ABCG1: variants seen among roughly 807,000 people sequenced by gnomAD.
ABCG1 encodes ATP binding cassette subfamily G member 1.
A neutral mutation model predicts 69.2 loss-of-function variants in ABCG1; 29 were observed. That is an observed-to-expected ratio of 0.42 (90% CI 0.31 to 0.57). The LOEUF (loss-of-function observed/expected upper bound fraction) is 0.57, where lower values mean the gene tolerates loss of function less well. Ranked by LOEUF, ABCG1 falls within the 20% of genes least tolerant of loss-of-function variation. ABCG1 has a pLI of 0.15. For missense variants in ABCG1, 718 were observed against 898.1 expected (o/e 0.80, Z 2.56); for synonymous variants, 370 against 374.8 (o/e 0.99, Z 0.15).
At chr21:42,271,940 C>A (rs1337088694) in intron 3 of ABCG1, among the ~76,000 whole-genome samples, 1 of 152,130 alleles carries the variant, frequency 6.6e-6, no homozygotes, top group African/African-American at 2.4e-5. Context: ...GTTTGGCGAC[C>A]ATTGTGTCCA....
intron 2 of ABCG1, among the ~76,000 whole-genome samples, chr21:42,239,453 T>C (rs796858295): frequency 3.3e-5 from 5 of 152,242 alleles, no homozygotes; most frequent in African/African-American, 1.2e-4. Context: ...CCTTAGGCTT[T>C]AGAAATGAAA....
At chr21:42,208,030 TGCCTAATTACA>T (rs2067556968) in intron 2 of ABCG1, among the ~76,000 whole-genome samples, 1 of 152,182 alleles carries the variant, frequency 6.6e-6, no homozygotes, top group South Asian at 2.1e-4. Flanking sequence ...TTGGTTTATG[TGCCTAATTACA>T]GCCTGAGGAG....
chr21:42,253,907 G>A lies in ABCG1; in HGVS notation c.287-17163G>A, dbSNP rs923941194. Among the ~76,000 whole-genome samples the A allele has an allele frequency of 3.3e-5, 5 of 152,180 alleles. No individual in the cohort carries two copies. In the South Asian group the frequency reaches 6.2e-4, roughly 19 times the overall value. On this transcript the variant is annotated intron_variant, in intron 2 of 14. Transcript: ENST00000398449. ...ATTGATGTAACTACTCCCTTTGCAC[G>A]ATATTTATTGATGTGACTATTCCCC...
At chr21:42,232,321 C>T (rs1362119278) in intron 2 of ABCG1, among the ~76,000 whole-genome samples, 6 of 152,318 alleles carry the variant, frequency 3.9e-5, no homozygotes, top group African/African-American at 1.2e-4. Context: ...CCTGTGAGCA[C>T]GTTGCAAGGG....
intron 1 of ABCG1, among the ~76,000 whole-genome samples, chr21:42,200,894 T>G (rs1168228990): frequency 6.6e-6 from 1 of 152,126 alleles, no homozygotes; most frequent in Admixed American, 6.5e-5. Context: ...TGGCCTACTG[T>G]GTTTTTTGTA....
At chr21:42,265,875 C>T (rs225394) in intron 2 of ABCG1, among the ~76,000 whole-genome samples, 68,320 of 152,028 alleles carry the variant, frequency 0.45, 15,749 homozygotes, top group Middle Eastern at 0.61. Flanking sequence ...AGCCCCCTCG[C>T]GCACTGCCAT....
At chr21:42,222,192 A>G (rs1434088498) in intron 1 of ABCG1, among the ~76,000 whole-genome samples, 1 of 152,202 alleles carries the variant, frequency 6.6e-6, no homozygotes, top group African/African-American at 2.4e-5. Context: ...ATGTGTTTTA[A>G]TTTTAATGAG....
intron 2 of ABCG1, among the ~76,000 whole-genome samples, chr21:42,233,171 C>T (rs78598231): frequency 6.6e-6 from 1 of 152,230 alleles, no homozygotes; most frequent in African/African-American, 2.4e-5. Flanking sequence ...AAGAGTTTCA[C>T]TTCCCACTTT....
At position 42,296,433 on chromosome 21, in the gene ABCG1, G is replaced by T. The variant is rs1484432714; in HGVS notation, c.*41G>T. The T allele has an allele frequency of 1.3e-6, 2 of 1,563,106 alleles. No homozygotes were observed. The highest frequency in any genetic ancestry group is 1.7e-5 in the Admixed American group (1 of 59,274). On this transcript the variant is annotated 3_prime_UTR_variant, in exon 15 of 15. Coordinates refer to ENST00000398449, the MANE Select transcript of ABCG1 (RefSeq NM_016818.3). The surrounding 1 kb of genome is among the most constrained non-coding windows in gnomAD (Gnocchi z 5.4). Reference sequence around the variant, plus strand: ...GGAAACAGGAAGATTAGACACTGTGGCCGAGGGCACGTCTAGAATCGAGGA... The same window carrying T: ...GGAAACAGGAAGATTAGACACTGTGTCCGAGGGCACGTCTAGAATCGAGGA...
chr21:42,201,497 T>C (rs2067506003), intron 1 of ABCG1: 2 of 949,836 alleles, frequency 2.1e-6, no homozygotes, highest in Non-Finnish European at 3.1e-6. Context: ...GTTGGGGACT[T>C]GTCTTACATG....
intron 2 of ABCG1, among the ~76,000 whole-genome samples, chr21:42,239,777 G>A (rs907069166): frequency 1.3e-5 from 2 of 152,206 alleles, no homozygotes; most frequent in South Asian, 2.1e-4. Context: ...AAGACCGTCC[G>A]GGGCCTGGCC....
At chr21:42,250,880 G>C (rs891831223) in intron 2 of ABCG1, among the ~76,000 whole-genome samples, 11 of 152,234 alleles carry the variant, frequency 7.2e-5, no homozygotes, top group African/African-American at 2.7e-4. Flanking sequence ...GTGGCCCCCA[G>C]ACCCCGCAGG....
In ABCG1 at chr21:42,287,771, C is replaced by A; in HGVS notation, c.974-118C>A. The stretch of plus-strand genomic sequence containing the variant: ...TTTGACGTCATGCCATTAGCACCGC[C>A]ACGCAGCATCTATGTAATCGCTTTA... On this transcript the variant is annotated intron_variant, in intron 8 of 14. Coordinates refer to ENST00000398449, the MANE Select transcript of ABCG1 (RefSeq NM_016818.3). This position sits in a 1 kb window ranked among gnomAD's most constrained non-coding sequence, Gnocchi z 6.2. 1 of 1,062,158 alleles carries A rather than the reference C, an allele frequency of 9.4e-7. No homozygotes were observed. The highest frequency in any genetic ancestry group is 1.3e-6 in the Non-Finnish European group (1 of 743,728). 65.8% of individuals were successfully genotyped at this position (1,062,158 alleles called of 1,614,324 possible). A position where few individuals can be genotyped will look rare whatever the true frequency, so the allele number is the denominator to read the frequency against.
rs766312456 is a variant in ABCG1 at position 42,288,175 on chromosome 21, G to A, written c.1123-36G>A. The A allele has an allele frequency of 6.2e-7, 1 of 1,612,444 alleles. No homozygotes were observed. Among genetic ancestry groups the A allele is most frequent in the South Asian group, 1.1e-5 (1 of 91,038 alleles). The stretch of plus-strand genomic sequence containing the variant: ...CAAGAAGGAGCCGTGGCTCCGGACT[G>A]GCTTTCACCCGCTCCCCTCTTGCGT... On this transcript the variant is annotated intron_variant, in intron 9 of 14. Coordinates refer to ENST00000398449, the MANE Select transcript of ABCG1 (RefSeq NM_016818.3). The surrounding 1 kb of genome is among the most constrained non-coding windows in gnomAD (Gnocchi z 4.8).
chr21:42,203,718 C>T (rs966660142), intron 2 of ABCG1, among the ~76,000 whole-genome samples: 7 of 152,158 alleles, frequency 4.6e-5, no homozygotes, highest in Admixed American at 2.0e-4. Flanking sequence ...TTTTCAAAAT[C>T]GTTTCAACTA....
intron 2 of ABCG1, among the ~76,000 whole-genome samples, chr21:42,263,757 G>A (rs1423286261): frequency 6.6e-6 from 1 of 152,182 alleles, no homozygotes; most frequent in Non-Finnish European, 1.5e-5. Context: ...TTAGACTGTG[G>A]GGAGGGGCCA....
rs182277132 is a variant in ABCG1 at position 42,268,602 on chromosome 21, A to T, written c.287-2468A>T. Among the ~76,000 whole-genome samples, 1,306 of 152,066 alleles carry T rather than the reference A, an allele frequency of 8.6e-3. 14 individuals are homozygous for T. Among genetic ancestry groups the T allele is most frequent in the Middle Eastern group, 0.017 (5 of 294 alleles). The stretch of plus-strand genomic sequence containing the variant: ...CAATTCCAAATGCATGTCTTTTTTT[A>T]AAAAAAAGAAAGAAAGAAAAATAAG... On this transcript the variant is annotated intron_variant, in intron 2 of 14. Coordinates refer to ENST00000398449, the MANE Select transcript of ABCG1 (RefSeq NM_016818.3).
intron 2 of ABCG1, among the ~76,000 whole-genome samples, chr21:42,235,271 A>G (rs2067962996): frequency 6.6e-6 from 1 of 152,158 alleles, no homozygotes; most frequent in Non-Finnish European, 1.5e-5. Flanking sequence ...TGGCGCTCAA[A>G]TGCTGGTGTG....
intron 2 of ABCG1, among the ~76,000 whole-genome samples, chr21:42,205,202 A>G (rs1362761944): frequency 6.6e-6 from 1 of 152,124 alleles, no homozygotes; most frequent in Non-Finnish European, 1.5e-5. Context: ...TGTCCTTTGG[A>G]TGCTTGTGGG....
Sources: allele counts gnomAD v4.1 joint callset (sites outside exome capture counted in the v4.1 genomes callset), GRCh38; gene constraint gnomAD v4.1.1; non-coding constraint Gnocchi (gnomAD v3.1); transcripts MANE v1.5; gene names NCBI Gene and HGNC (gene_info 2026-07-23, HGNC 2026-07-21).